The following IFITM2 variants were observed in gnomAD, a reference collection of about 807,000 sequenced individuals.
The protein encoded by IFITM2 is interferon induced transmembrane protein 2, also known as interferon-induced transmembrane protein 2.
IFITM2 carries 3 observed loss-of-function variants against 5.9 expected under a neutral mutation model. The observed-to-expected ratio is 0.51, with a 90% CI of 0.23 to 1.32. IFITM2 has a LOEUF of 1.32. Among genes scored for constraint, IFITM2 ranks in the 40% most tolerant of loss-of-function variants. The pLI is 0.18. For synonymous variants in IFITM2, 76 were observed against 72.4 expected, an observed-to-expected ratio of 1.05 and a Z score of -0.25; for missense variants, 159 against 175.9, an observed-to-expected ratio of 0.90 and a Z score of 0.54.
rs1348785757 is a variant in IFITM2, at chr11:309,102, G to A, written c.336G>A (p.Leu112=). 6.8e-6 allele frequency: 11 copies of A among 1,614,080 alleles called. No homozygotes were observed. Among genetic ancestry groups the A allele is most frequent in the Non-Finnish European group, 8.5e-6 (10 of 1,180,034 alleles). Residue 112 remains leucine (L), a synonymous_variant, in exon 2 of 2, where the codon TTG becomes TTA. Coordinates refer to ENST00000616316, the MANE Select transcript of IFITM2 (RefSeq NM_006435.3). ...AKCLNIWALI[L]GIFMTILLII... is the part of the protein sequence containing the mutation. ...GCCTGAACATCTGGGCCCTGATTTT[G>A]GGCATCTTCATGACCATTCTGCTCA...
chr11:308,323 T>C lies in IFITM2; in HGVS notation c.131T>C (p.Val44Ala). The change falls in exon 1 of 2, where the codon GTG (valine) becomes GCG (alanine). Residue 44 changes from valine (V) to alanine (A), a missense_variant. Val to Ala is a moderately conservative substitution (Grantham distance 64, BLOSUM62 0). Transcript: ENST00000616316. ...PHNPAPPMST[V>A]IHIRSETSVP... ...AACCCTGCTCCCCCGATGTCCACCGTGATCCACATCCGCAGCGAGACCTCC... is the reference window on the plus strand; with the variant it reads ...AACCCTGCTCCCCCGATGTCCACCGCGATCCACATCCGCAGCGAGACCTCC... 1 of 1,612,482 alleles carries C rather than the reference T, an allele frequency of 6.2e-7. No homozygotes were observed. Among genetic ancestry groups the C allele is most frequent in the Non-Finnish European group, 8.5e-7 (1 of 1,179,548 alleles).
Position 308,161 on chromosome 11 carries a change from C to A in IFITM2, c.-32C>A. 1 of 1,606,432 alleles carries A rather than the reference C, an allele frequency of 6.2e-7. No individual in the cohort carries two copies. The highest frequency in any genetic ancestry group is 8.5e-7 in the Non-Finnish European group (1 of 1,173,942). The stretch of plus-strand genomic sequence containing the variant: ...GGGGAAAGGGAGGGCTCACTGAGAA[C>A]CATCCCGGTAACCCGATCACCGCTG... On this transcript the variant is annotated 5_prime_UTR_variant, in exon 1 of 2. Transcript: ENST00000616316.
Position 309,213 on chromosome 11 carries a change from C to A in IFITM2, c.*48C>A, listed in dbSNP as rs760253288. On this transcript the variant is annotated 3_prime_UTR_variant, in exon 2 of 2. Transcript: ENST00000616316. Reference sequence around the variant, plus strand: ...AGGAGCTCTGCCCGTGACCTGTATCCCACGTACTCTATCTTCCATTCCTCG... The same window carrying A: ...AGGAGCTCTGCCCGTGACCTGTATCACACGTACTCTATCTTCCATTCCTCG... 4 of 1,613,964 alleles carry A rather than the reference C, an allele frequency of 2.5e-6. No homozygotes were observed. Among genetic ancestry groups the A allele is most frequent in the Admixed American group, 1.7e-5 (1 of 60,006 alleles).
At chr11:308,526 T>C in intron 1 of IFITM2, 88 bp downstream of exon 1, 1 of 1,550,488 alleles carries the variant, frequency 6.4e-7, no homozygotes, top group Non-Finnish European at 8.9e-7. Context: ...GGGACTTGTG[T>C]GTCCCTGTGA....
At chr11:308,719 T>C in intron 1 of IFITM2, 2 of 714,700 alleles carry the variant, frequency 2.8e-6, no homozygotes, top group Non-Finnish European at 5.1e-6. Context: ...CAGTTCTCCC[T>C]ATAGCCCAGT....
rs760053980 is a variant in IFITM2, at chr11:309,030, G to A, written c.264G>A (p.Met88Ile). 22 of 1,613,886 alleles carry A rather than the reference G, an allele frequency of 1.4e-5. No individual in the cohort carries two copies. Among genetic ancestry groups the A allele is most frequent in the Admixed American group, 6.7e-5 (4 of 59,998 alleles). Residue 88 changes from methionine to isoleucine, a missense_variant, in exon 2 of 2, where the codon ATG (methionine) becomes ATA (isoleucine). Met to Ile is a conservative substitution (Grantham distance 10). Coordinates refer to ENST00000616316, the MANE Select transcript of IFITM2 (RefSeq NM_006435.3). ...TCCCCCAGTCTAGGGACAGGAAGAT[G>A]GTTGGCGACGTGACCGGGGCCCAGG... ...AYSVKSRDRK[M>I]VGDVTGAQAY...
rs1414546870 is a variant in IFITM2 at position 308,345 on chromosome 11, C to G, written c.153C>G (p.Thr51=). The G allele has an allele frequency of 1.1e-5, 18 of 1,613,728 alleles. No individual in the cohort carries two copies. The highest frequency in any genetic ancestry group is 1.4e-5 in the Non-Finnish European group (17 of 1,179,838). Residue 51 remains threonine, a synonymous_variant, in exon 1 of 2, where the codon ACC becomes ACG. Transcript: ENST00000616316. ...MSTVIHIRSE[T]SVPDHVVWSL... is the part of the protein sequence containing the mutation. Reference sequence around the variant, plus strand: ...CCGTGATCCACATCCGCAGCGAGACCTCCGTGCCTGACCATGTGGTCTGGT... The same window carrying G: ...CCGTGATCCACATCCGCAGCGAGACGTCCGTGCCTGACCATGTGGTCTGGT...
chr11:309,236 T>C lies in IFITM2; in HGVS notation c.*71T>C. 1.2e-6 allele frequency: 2 copies of C among 1,613,006 alleles called. No individual in the cohort carries two copies. Among genetic ancestry groups the C allele is most frequent in the Non-Finnish European group, 1.7e-6 (2 of 1,179,626 alleles). On this transcript the variant is annotated 3_prime_UTR_variant, in exon 2 of 2. Coordinates refer to ENST00000616316, the MANE Select transcript of IFITM2 (RefSeq NM_006435.3). ...TCCCACGTACTCTATCTTCCATTCCTCGCCCTGCCCCCAGAGGCCAGGAGC... is the reference window on the plus strand; with the variant it reads ...TCCCACGTACTCTATCTTCCATTCCCCGCCCTGCCCCCAGAGGCCAGGAGC...
rs994577693 is a variant in IFITM2, at chr11:308,504, C to T, written c.246+66C>T. ...GCCTGGGGCTCCACCTGCCCACATG[C>T]TGCCTGGGGTGGGGACTTGTGTGTC... On this transcript the variant is annotated intron_variant, in intron 1 of 1. Transcript: ENST00000616316. 5.6e-6 allele frequency: 9 copies of T among 1,596,006 alleles called. No individual in the cohort carries two copies. The East Asian group carries it at 2.0e-4, about 36-fold the overall frequency.
At position 308,325 on chromosome 11, in the gene IFITM2, A is replaced by G; in HGVS notation, c.133A>G (p.Ile45Val). The G allele has an allele frequency of 6.2e-7, 1 of 1,613,874 alleles. No homozygotes were observed. The highest frequency in any genetic ancestry group is 1.1e-5 in the South Asian group (1 of 91,052). The change falls in exon 1 of 2, where the codon ATC becomes GTC. Residue 45 changes from isoleucine to valine, a missense_variant. By Grantham distance (29) the Ile-to-Val change is conservative. Coordinates refer to ENST00000616316, the MANE Select transcript of IFITM2 (RefSeq NM_006435.3). ...CCCTGCTCCCCCGATGTCCACCGTG[A>G]TCCACATCCGCAGCGAGACCTCCGT... ...HNPAPPMSTV[I>V]HIRSETSVPD...
rs774725597 is a variant in IFITM2, at chr11:309,140, T to A, written c.374T>A (p.Val125Glu). ...ACCATTCTGCTCATCATCATCCCAG[T>A]GTTGGTCGTCCAGGCCCAGCGATAG... Reference protein sequence around the residue: ...FMTILLIIIPVLVVQAQR With the variant: ...FMTILLIIIPELVVQAQR The change falls in exon 2 of 2, where the codon GTG becomes GAG. Residue 125 changes from valine to glutamate, a missense_variant. Val to Glu is a moderately radical substitution (Grantham distance 121). Transcript: ENST00000616316. 8.7e-6 allele frequency: 14 copies of A among 1,614,056 alleles called. No homozygotes were observed. The Admixed American group carries it at 1.3e-4, about 15-fold the overall frequency.
Position 309,070 on chromosome 11 carries a change from G to C in IFITM2, c.304G>C (p.Ala102Pro). ...CGGGGCCCAGGCCTATGCCTCCACCGCCAAGTGCCTGAACATCTGGGCCCT... is the reference window on the plus strand; with the variant it reads ...CGGGGCCCAGGCCTATGCCTCCACCCCCAAGTGCCTGAACATCTGGGCCCT... ...VTGAQAYASTAKCLNIWALIL... is the reference protein window; with the variant it reads ...VTGAQAYASTPKCLNIWALIL... Residue 102 changes from alanine to proline, a missense_variant, in exon 2 of 2, where the codon GCC becomes CCC. Physicochemically the swap from Ala to Pro is conservative, Grantham distance 27 (BLOSUM62 -1). Coordinates refer to ENST00000616316, the MANE Select transcript of IFITM2 (RefSeq NM_006435.3). The C allele has an allele frequency of 6.2e-7, 1 of 1,614,218 alleles. No individual in the cohort carries two copies. The highest frequency in any genetic ancestry group is 2.2e-5 in the East Asian group (1 of 44,890).
At chr11:308,924 G>C in intron 1 of IFITM2, 89 bp from the exon 2 acceptor site, 1 of 1,591,568 alleles carries the variant, frequency 6.3e-7, no homozygotes, top group African/African-American at 1.3e-5. Context: ...CTGATCTCAG[G>C]GCAGGGAGGA....
At position 309,178 on chromosome 11, in the gene IFITM2, CATT is replaced by C. The variant is rs1564848863; in HGVS notation, c.*14_*16del. Reference sequence around the variant, plus strand: ...GGCCCAGCGATAGATCAGGAGGCATCATTGAGGCCAGGAGCTCTGCCCGTGACC... The same window carrying C: ...GGCCCAGCGATAGATCAGGAGGCATCGAGGCCAGGAGCTCTGCCCGTGACC... On this transcript the variant is annotated 3_prime_UTR_variant, in exon 2 of 2. Coordinates refer to ENST00000616316, the MANE Select transcript of IFITM2 (RefSeq NM_006435.3). 18 of 1,614,200 alleles carry C rather than the reference CATT, an allele frequency of 1.1e-5. No homozygotes were observed. The highest frequency in any genetic ancestry group is 9.3e-5 in the African/African-American group (7 of 75,052).
In IFITM2 at chr11:308,612, T is replaced by A; in HGVS notation, c.246+174T>A. 3 of 1,048,308 alleles carry A rather than the reference T, an allele frequency of 2.9e-6. No homozygotes were observed. In the South Asian group the frequency reaches 4.0e-5, roughly 14 times the overall value. The allele number at this position is 1,048,308 out of a possible 1,614,324, so 64.9% of individuals were successfully genotyped here. A position where few individuals can be genotyped will look rare whatever the true frequency, so the allele number is the denominator to read the frequency against. On this transcript the variant is annotated intron_variant, in intron 1 of 1. Transcript: ENST00000616316. ...TGTCTGTGTGATCTGTGTGTGTGTG[T>A]GGCTTGGGGAATCTGCCCAGTGCAG...
chr11:308,100 C>A lies in IFITM2; in HGVS notation c.-93C>A. Reference sequence around the variant, plus strand: ...TGGCCAGCTCTGCATTTGACAAATGCCAGGAAGAGGAAACTGTTGAGAAAA... The same window carrying A: ...TGGCCAGCTCTGCATTTGACAAATGACAGGAAGAGGAAACTGTTGAGAAAA... On this transcript the variant is annotated 5_prime_UTR_variant, in exon 1 of 2. Transcript: ENST00000616316. 1.3e-6 allele frequency: 2 copies of A among 1,523,716 alleles called. No individual in the cohort carries two copies. The highest frequency in any genetic ancestry group is 1.8e-6 in the Non-Finnish European group (2 of 1,116,340). 94.4% of individuals were successfully genotyped at this position (1,523,716 alleles called of 1,614,324 possible). A position where few individuals can be genotyped will look rare whatever the true frequency, so the allele number is the denominator to read the frequency against.
intron 1 of IFITM2, 73 bp from the exon 2 acceptor site, chr11:308,940 T>C: frequency 6.2e-7 from 1 of 1,603,122 alleles, no homozygotes; most frequent in Non-Finnish European, 8.5e-7. Context: ...GAGGAGACAG[T>C]GAGGAGCTGG....
chr11:308,748 C>T (rs925828754), intron 1 of IFITM2: 3 of 716,966 alleles, frequency 4.2e-6, no homozygotes, highest in South Asian at 1.5e-5. Context: ...ACACCTTCAC[C>T]TTCCAGACTG....
At chr11:308,887 C>T (rs1272195632) in intron 1 of IFITM2, 126 bp from the exon 2 acceptor site, 47 of 1,466,144 alleles carry the variant, frequency 3.2e-5, no homozygotes, top group African/African-American at 7.0e-5. Flanking sequence ...GAGTCTGAGC[C>T]GGGTGAGGAA....
Sources: allele counts gnomAD v4.1 joint callset, GRCh38; gene constraint gnomAD v4.1.1; transcripts MANE v1.5; gene names NCBI Gene and HGNC (gene_info 2026-07-23, HGNC 2026-07-21).